Variants in CCNH observed in about 807,000 individuals in gnomAD.
The protein encoded by CCNH is cyclin-H.
Under a neutral mutation model 41.9 loss-of-function variants are expected in CCNH, and 31 were observed. That is an observed-to-expected ratio of 0.74 (90% CI 0.56 to 1.00). CCNH has a LOEUF of 1.00. Among genes scored for constraint, CCNH ranks in the 50% least tolerant of loss-of-function variants. CCNH has a pLI of 0.00. For missense variants in CCNH, 362 were observed against 388.4 expected, an observed-to-expected ratio of 0.93 and a Z score of 0.57; for synonymous variants, 138 against 136.1, an observed-to-expected ratio of 1.01 and a Z score of -0.10.
upstream of CCNH, among the ~76,000 whole-genome samples, chr5:87,379,470 T>A (rs897764386): frequency 1.3e-5 from 2 of 152,146 alleles, no homozygotes; most frequent in African/African-American, 4.8e-5. Flanking sequence ...TTTAATCAGC[T>A]TTTTTTCCCC....
At chr5:87,325,835 CTG>C (rs575747546) in intron 9 of CCNH, among the ~76,000 whole-genome samples, 15 of 152,176 alleles carry the variant, frequency 9.9e-5, no homozygotes, top group Non-Finnish European at 1.5e-4. Context: ...AAATGCCTGT[CTG>C]TATTCACACT....
chr5:87,334,116 T>C (rs1290541227), intron 9 of CCNH, among the ~76,000 whole-genome samples: 1 of 152,208 alleles, frequency 6.6e-6, no homozygotes, highest in Non-Finnish European at 1.5e-5. Flanking sequence ...TTACGGAGAA[T>C]AGGTTTACAC....
chr5:87,379,037 CAT>C (rs1345930852), upstream of CCNH, among the ~76,000 whole-genome samples: 1 of 152,126 alleles, frequency 6.6e-6, no homozygotes, highest in Non-Finnish European at 1.5e-5. Context: ...ATCTCACACA[CAT>C]ATTCTCTCAT....
upstream of CCNH, among the ~76,000 whole-genome samples, chr5:87,380,301 T>C (rs948360026): frequency 4.6e-5 from 7 of 152,154 alleles, no homozygotes; most frequent in Non-Finnish European, 1.0e-4. Context: ...TGTCAGGAAG[T>C]TGACTGAATA....
At chr5:87,320,935 G>A (rs2112334743) in intron 9 of CCNH, among the ~76,000 whole-genome samples, 1 of 152,322 alleles carries the variant, frequency 6.6e-6, no homozygotes, top group South Asian at 2.1e-4. Context: ...GCCTTTCATG[G>A]TGGCTTTTGA....
At position 87,404,802 on chromosome 5, in the gene CCNH, C is replaced by A. The variant is rs1298901542; in HGVS notation, c.689+42G>T. 10 of 1,432,024 alleles carry A rather than the reference C, an allele frequency of 7.0e-6. No individual in the cohort carries two copies. In the East Asian group the frequency reaches 2.4e-4, roughly 34 times the overall value. 88.7% of individuals were successfully genotyped at this position (1,432,024 alleles called of 1,614,324 possible). A position where few individuals can be genotyped will look rare whatever the true frequency, so the allele number is the denominator to read the frequency against. On this transcript the variant is annotated intron_variant, in intron 5 of 8. Coordinates refer to ENST00000256897, the MANE Select transcript of CCNH (RefSeq NM_001239.4). ...GAAATGATTCTATGAATAAATAAAC[C>A]CAGTGACTGAATTTGACCTAAGTTA... is the stretch of plus-strand genomic sequence containing the variant.
At chr5:87,370,049 T>C (rs966990198) in intron 9 of CCNH, 2 of 761,642 alleles carry the variant, frequency 2.6e-6, no homozygotes. Context: ...AGATTTCATA[T>C]GTAAAAAGTT....
chr5:87,360,127 T>TG (rs1554047675), intron 9 of CCNH, among the ~76,000 whole-genome samples: 2 of 151,196 alleles, frequency 1.3e-5, no homozygotes, highest in Non-Finnish European at 3.0e-5. Context: ...AAATGCAGTT[T>TG]TTTTTTTTTT....
intron 9 of CCNH, among the ~76,000 whole-genome samples, chr5:87,367,459 G>C (rs1384014105): frequency 6.6e-6 from 1 of 152,162 alleles, no homozygotes; most frequent in Non-Finnish European, 1.5e-5. Context: ...TGATTAGTGC[G>C]CATGCTCAGC....
downstream of CCNH, among the ~76,000 whole-genome samples, chr5:87,388,868 T>G (rs559876163): frequency 2.0e-5 from 3 of 152,180 alleles, no homozygotes; most frequent in Non-Finnish European, 4.4e-5. Context: ...ACCTACACTA[T>G]TTGGCATATG....
chr5:87,372,676 C>CTA (rs1454338106), downstream of CCNH, among the ~76,000 whole-genome samples: 1 of 152,076 alleles, frequency 6.6e-6, no homozygotes, highest in East Asian at 1.9e-4. Context: ...GAGAGTTAAG[C>CTA]TAGGCTTTCT....
At chr5:87,411,098 G>T in intron 2 of CCNH, 126 bp downstream of exon 2, 1 of 899,158 alleles carries the variant, frequency 1.1e-6, no homozygotes, top group Non-Finnish European at 1.6e-6. Flanking sequence ...AATATATAAT[G>T]TGCCAAAAAC....
At chr5:87,388,391 A>C (rs1189287039), downstream of CCNH, among the ~76,000 whole-genome samples, 3 of 152,178 alleles carry the variant, frequency 2.0e-5, no homozygotes, top group Non-Finnish European at 4.4e-5. Flanking sequence ...GTCGATAATA[A>C]AGTACAGGTT....
At chr5:87,358,469 T>C (rs1236571805) in intron 9 of CCNH, among the ~76,000 whole-genome samples, 1 of 152,140 alleles carries the variant, frequency 6.6e-6, no homozygotes, top group East Asian at 1.9e-4. Flanking sequence ...TCCTGTACTT[T>C]ATATCTAACC....
intron 9 of CCNH, chr5:87,383,651 A>T: frequency 1.6e-6 from 2 of 1,255,812 alleles, no homozygotes; most frequent in Non-Finnish European, 2.2e-6. Context: ...ATATTGTTTT[A>T]ATGTAACACA....
chr5:87,357,971 G>A (rs2112443798), intron 9 of CCNH, among the ~76,000 whole-genome samples: 1 of 152,232 alleles, frequency 6.6e-6, no homozygotes, highest in Middle Eastern at 3.4e-3. Context: ...TGGAGCATGG[G>A]GTGATGAAAA....
intron 9 of CCNH, chr5:87,369,753 GT>G: frequency 9.3e-7 from 1 of 1,073,790 alleles, no homozygotes; most frequent in Non-Finnish European, 1.4e-6. Flanking sequence ...TTGGAAGCTG[GT>G]ATAAATATTT....
In CCNH at chr5:87,325,204, C is replaced by G. The variant is rs145577516; in HGVS notation, c.*91-6307G>C. ...AGCCCCTTATAAAACCATTAGATCT[C>G]GTGAGAACTCACTATCACAATAACA... is the stretch of plus-strand genomic sequence containing the variant. On this transcript the variant is annotated intron_variant and NMD_transcript_variant, in intron 9 of 9. Coordinates refer to the CCNH transcript ENST00000645953. Among the ~76,000 whole-genome samples the G allele has an allele frequency of 7.6e-3, 1,150 of 152,200 alleles. 18 individuals carry two copies. The highest frequency in any genetic ancestry group is 0.027 in the African/African-American group (1,112 of 41,538).
chr5:87,356,008 G>A (rs1305363460), intron 9 of CCNH, among the ~76,000 whole-genome samples: 3 of 152,278 alleles, frequency 2.0e-5, no homozygotes, highest in South Asian at 2.1e-4. Context: ...TGCTTGTTAC[G>A]GATGAGAAAA....
Sources: gnomAD v4.1 joint callset for allele counts (sites outside exome capture counted in the v4.1 genomes callset) on GRCh38, gnomAD v4.1.1 for gene constraint, MANE v1.5 for transcripts, NCBI Gene and HGNC (gene_info 2026-07-23, HGNC 2026-07-21) for gene names.